Variants in WDFY2 observed in about 807,000 individuals in gnomAD.
The protein encoded by WDFY2 is WD repeat and FYVE domain containing 2, also known as WD repeat and FYVE domain-containing protein 2.
Under a neutral mutation model 56.4 loss-of-function variants are expected in WDFY2, and 36 were observed. The observed-to-expected ratio is 0.64, with a 90% CI of 0.49 to 0.84. The LOEUF (loss-of-function observed/expected upper bound fraction) is 0.84, where lower values mean the gene tolerates loss of function less well. Ranked by LOEUF, WDFY2 falls within the 40% of genes least tolerant of loss-of-function variation. The pLI is 0.00. For missense variants in WDFY2, 444 were observed against 512.2 expected (o/e 0.87, Z 1.29); for synonymous variants, 176 against 183.7 (o/e 0.96, Z 0.34).
chr13:51,607,408 T>TA (rs1182668403), intron 1 of WDFY2, among the ~76,000 whole-genome samples: 1 of 152,172 alleles, frequency 6.6e-6, no homozygotes, highest in Non-Finnish European at 1.5e-5. Context: ...GTTGTAGAAA[T>TA]AGACTGCCTC....
chr13:51,652,544 G>A (rs1185705317), intron 1 of WDFY2, among the ~76,000 whole-genome samples: 2 of 152,178 alleles, frequency 1.3e-5, no homozygotes, highest in African/African-American at 4.8e-5. Flanking sequence ...GGCTGGTATT[G>A]GTTGTTCCTT....
At chr13:51,611,723 G>A (rs1281656093) in intron 1 of WDFY2, among the ~76,000 whole-genome samples, 4 of 152,168 alleles carry the variant, frequency 2.6e-5, no homozygotes, top group East Asian at 1.9e-4. Context: ...TTTGCCAGGG[G>A]TTTGGTTTAG....
At chr13:51,604,976 A>G (rs1566308525) in intron 1 of WDFY2, among the ~76,000 whole-genome samples, 1 of 152,230 alleles carries the variant, frequency 6.6e-6, no homozygotes, top group Non-Finnish European at 1.5e-5. Context: ...GCTCTCAGAC[A>G]AGGTACTTAA....
intron 3 of WDFY2, among the ~76,000 whole-genome samples, chr13:51,696,606 T>A (rs981361096): frequency 6.6e-6 from 1 of 152,190 alleles, no homozygotes; most frequent in Non-Finnish European, 1.5e-5. Context: ...AAACAAATGG[T>A]GCTGGAGCAG....
chr13:51,635,384 A>G (rs1221408053), intron 1 of WDFY2, among the ~76,000 whole-genome samples: 1 of 152,224 alleles, frequency 6.6e-6, no homozygotes, highest in Non-Finnish European at 1.5e-5. Context: ...TTGTCTCTGT[A>G]CCTTGAGGCA....
intron 4 of WDFY2, among the ~76,000 whole-genome samples, chr13:51,712,060 A>G (rs1009788590): frequency 9.2e-5 from 14 of 152,216 alleles, no homozygotes; most frequent in Non-Finnish European, 1.5e-4. Context: ...ATGTCCATCA[A>G]TGATAGACTG....
intron 3 of WDFY2, among the ~76,000 whole-genome samples, chr13:51,697,927 A>G (rs1236842464): frequency 1.3e-5 from 2 of 152,340 alleles, no homozygotes; most frequent in Non-Finnish European, 2.9e-5. Flanking sequence ...ATTTAAAGAA[A>G]AGCTTCTTAA....
At chr13:51,692,922 T>G (rs1335646434) in intron 3 of WDFY2, among the ~76,000 whole-genome samples, 1 of 152,164 alleles carries the variant, frequency 6.6e-6, no homozygotes. Flanking sequence ...TTTAGTCTTG[T>G]GAGGGTGTAT....
At chr13:51,700,755 C>T (rs551263861) in intron 3 of WDFY2, among the ~76,000 whole-genome samples, 3 of 152,068 alleles carry the variant, frequency 2.0e-5, no homozygotes, top group South Asian at 2.1e-4. Context: ...CACCTGAGGT[C>T]GGGGGTTCAA....
At chr13:51,737,857 G>A (rs1279740812) in intron 6 of WDFY2, among the ~76,000 whole-genome samples, 3 of 152,200 alleles carry the variant, frequency 2.0e-5, no homozygotes, top group South Asian at 4.1e-4. Flanking sequence ...GGGAAGCCAT[G>A]TTTATTCTTA....
At chr13:51,636,525 A>G (rs1422088209) in intron 1 of WDFY2, among the ~76,000 whole-genome samples, 2 of 152,214 alleles carry the variant, frequency 1.3e-5, no homozygotes, top group Non-Finnish European at 2.9e-5. Context: ...TACCACAGCA[A>G]TTACCCGGGG....
intron 7 of WDFY2, among the ~76,000 whole-genome samples, chr13:51,749,314 A>C (rs1953174673): frequency 6.6e-6 from 1 of 152,012 alleles, no homozygotes; most frequent in Non-Finnish European, 1.5e-5. Flanking sequence ...GTATAAAGGG[A>C]TTGTGAGACC....
At chr13:51,586,305 A>G in intron 1 of WDFY2, 3 of 367,068 alleles carry the variant, frequency 8.2e-6, no homozygotes, top group Non-Finnish European at 1.4e-5. Context: ...GTCTGTAACT[A>G]CTGGAGATGG....
chr13:51,593,177 A>G (rs1954083887), intron 1 of WDFY2, among the ~76,000 whole-genome samples: 2 of 152,086 alleles, frequency 1.3e-5, no homozygotes, highest in Non-Finnish European at 2.9e-5. Flanking sequence ...AAGTGGCCTT[A>G]TATTTTTGCT....
At chr13:51,721,183 G>A (rs1339156888) in intron 5 of WDFY2, among the ~76,000 whole-genome samples, 2 of 152,080 alleles carry the variant, frequency 1.3e-5, no homozygotes, top group African/African-American at 4.8e-5. Flanking sequence ...CTGAAGCCCA[G>A]AAAGGGTCCT....
intron 1 of WDFY2, among the ~76,000 whole-genome samples, chr13:51,651,427 C>G (rs1252064874): frequency 6.6e-6 from 1 of 152,140 alleles, no homozygotes; most frequent in Non-Finnish European, 1.5e-5. Flanking sequence ...CAGTTCTGCT[C>G]TGATCTTAGT....
intron 1 of WDFY2, among the ~76,000 whole-genome samples, chr13:51,618,292 A>G (rs1446162129): frequency 6.6e-6 from 1 of 152,172 alleles, no homozygotes; most frequent in Admixed American, 6.5e-5. Flanking sequence ...AGTTTGCTTT[A>G]GGCTCACAGA....
chr13:51,598,451 C>A (rs4943009), intron 1 of WDFY2: 44 of 152,066 alleles, frequency 2.9e-4, no homozygotes, highest in African/African-American at 1.0e-3. Flanking sequence ...TTTCTGCTTA[C>A]GCCACAGTGG....
rs561053198 is a variant in WDFY2 at position 51,695,399 on chromosome 13, C to G, written c.280-8197C>G. Among the ~76,000 whole-genome samples the G allele has an allele frequency of 7.2e-5, 11 of 152,306 alleles. No individual in the cohort carries two copies. In the South Asian group the frequency reaches 1.2e-3, roughly 17 times the overall value. On this transcript the variant is annotated intron_variant, in intron 3 of 11. Coordinates refer to ENST00000298125, the MANE Select transcript of WDFY2 (RefSeq NM_052950.4). The stretch of plus-strand genomic sequence containing the variant: ...TTCTGTTTGTTAGTTTTCCTTGTAA[C>G]AGACAGGACCCTCAGCTGTATGTCT...
Sources: gnomAD v4.1 joint callset for allele counts (sites outside exome capture counted in the v4.1 genomes callset) on GRCh38, gnomAD v4.1.1 for gene constraint, MANE v1.5 for transcripts, NCBI Gene and HGNC (gene_info 2026-07-23, HGNC 2026-07-21) for gene names.